The following KDM1B variants were observed in gnomAD, a reference collection of about 807,000 sequenced individuals.
KDM1B encodes the protein lysine demethylase 1B.
KDM1B carries 63 observed loss-of-function variants against 107.4 expected under a neutral mutation model. That is an observed-to-expected ratio of 0.59 (90% CI 0.48 to 0.72). The LOEUF (loss-of-function observed/expected upper bound fraction) is 0.72. KDM1B is among the 30% of genes least tolerant of loss of function. The probability of loss-of-function intolerance (pLI) is 0.00; values close to 1 mark genes in which losing one functional copy is unlikely to be tolerated. For synonymous variants in KDM1B, 363 were observed against 363.9 expected (o/e 1.00, Z 0.03); for missense variants, 749 against 1,020.8 (o/e 0.73, Z 3.63).
In KDM1B at chr6:18,197,471, T is replaced by C. The variant is rs1467502071; in HGVS notation, c.1147-116T>C. 3 of 876,644 alleles carry C rather than the reference T, an allele frequency of 3.4e-6. No homozygotes were observed. The highest frequency in any genetic ancestry group is 2.1e-5 in the Admixed American group (1 of 48,510). The allele number at this position is 876,644 out of a possible 1,614,324, so 54.3% of individuals were successfully genotyped here. On this transcript the variant is annotated intron_variant, in intron 11 of 21. Coordinates refer to ENST00000650836, the MANE Select transcript of KDM1B (RefSeq NM_001364614.2). This position sits in a 1 kb window ranked among gnomAD's most constrained non-coding sequence, Gnocchi z 4.5. ...ACCACATTCTTTAGGAAAATAACTT[T>C]CTAAGGACATCAAAGAAATGTAAAT...
chr6:18,157,879 C>T (rs1784728492), intron 2 of KDM1B, among the ~76,000 whole-genome samples: 1 of 131,456 alleles, frequency 7.6e-6, no homozygotes, highest in Admixed American at 9.0e-5. Flanking sequence ...GTGGTGTGAT[C>T]TCGGCTCACT....
In KDM1B at chr6:18,202,715, A is replaced by G. The variant is rs143840959; in HGVS notation, c.1531+1058A>G. On this transcript the variant is annotated intron_variant, in intron 14 of 21. Coordinates refer to ENST00000650836, the MANE Select transcript of KDM1B (RefSeq NM_001364614.2). ...AGAGCTCTCAATTCTTCAGGCTGAT[A>G]TACAGTTCATCTCTGTTTGGGGTAA... is the stretch of plus-strand genomic sequence containing the variant. Among the ~76,000 whole-genome samples the G allele has an allele frequency of 1.7e-3, 258 of 152,306 alleles. 1 individual carries two copies. The highest frequency in any genetic ancestry group is 5.5e-3 in the African/African-American group (229 of 41,556).
chr6:18,168,947 C>T (rs1268847135), intron 6 of KDM1B, among the ~76,000 whole-genome samples: 3 of 152,148 alleles, frequency 2.0e-5, no homozygotes, highest in African/African-American at 7.2e-5. Flanking sequence ...TCTTGGCTCG[C>T]TGCAACCTCT....
At chr6:18,156,142 G>A (rs1200344797) in intron 2 of KDM1B, among the ~76,000 whole-genome samples, 1 of 152,212 alleles carries the variant, frequency 6.6e-6, no homozygotes, top group Non-Finnish European at 1.5e-5. Flanking sequence ...TGCAGGTGTT[G>A]TAGTAATTCT....
Position 18,207,959 on chromosome 6 carries a change from G to C in KDM1B, c.1792-173G>C, listed in dbSNP as rs138362537. On this transcript the variant is annotated intron_variant, in intron 16 of 21. Coordinates refer to ENST00000650836, the MANE Select transcript of KDM1B (RefSeq NM_001364614.2). ...TGTTTATTTTGTATATTCTGACAGAGTATAAATTCTAACTCCCTCAGTTCA... is the reference window on the plus strand; with the variant it reads ...TGTTTATTTTGTATATTCTGACAGACTATAAATTCTAACTCCCTCAGTTCA... Among the ~76,000 whole-genome samples, 4 of 152,274 alleles carry C rather than the reference G, an allele frequency of 2.6e-5. No homozygotes were observed. The East Asian group carries it at 7.7e-4, about 29-fold the overall frequency.
intron 7 of KDM1B, among the ~76,000 whole-genome samples, chr6:18,179,240 GGAAA>G (rs900449297): frequency 1.7e-4 from 26 of 151,776 alleles, no homozygotes; most frequent in African/African-American, 6.0e-4. Context: ...CATTCCTGGG[GGAAA>G]AAAATCCATT....
chr6:18,169,164 G>A (rs186225477), intron 6 of KDM1B, among the ~76,000 whole-genome samples: 1 of 151,440 alleles, frequency 6.6e-6, no homozygotes, highest in Non-Finnish European at 1.5e-5. Flanking sequence ...GAGCCACCTC[G>A]CCCAGTCTTC....
intron 14 of KDM1B, among the ~76,000 whole-genome samples, chr6:18,202,760 T>A (rs1378254144): frequency 3.9e-5 from 6 of 152,208 alleles, no homozygotes; most frequent in Non-Finnish European, 8.8e-5. Context: ...TAGCAGGGAC[T>A]ATGTATCTCT....
intron 7 of KDM1B, among the ~76,000 whole-genome samples, chr6:18,181,539 A>T (rs1357501287): frequency 1.3e-5 from 2 of 152,138 alleles, no homozygotes; most frequent in African/African-American, 4.8e-5. Flanking sequence ...CTGAAGCAGG[A>T]GTTTGAGACC....
chr6:18,200,389 G>C lies in KDM1B; in HGVS notation c.1222-50G>C. The C allele has an allele frequency of 6.4e-7, 1 of 1,566,496 alleles. No homozygotes were observed. Among genetic ancestry groups the C allele is most frequent in the South Asian group, 1.2e-5 (1 of 86,520 alleles). ...TCTACATTTTTATAATACTGTGTCT[G>C]ATATAACTCTTGTGTCCTATTTAGC... On this transcript the variant is annotated intron_variant, in intron 12 of 21. Transcript: ENST00000650836. This position sits in a 1 kb window ranked among gnomAD's most constrained non-coding sequence, Gnocchi z 4.3.
intron 7 of KDM1B, among the ~76,000 whole-genome samples, chr6:18,185,462 T>G (rs563021964): frequency 2.8e-4 from 42 of 152,254 alleles, no homozygotes; most frequent in African/African-American, 9.9e-4. Context: ...CCACTATGCC[T>G]GGCTAATTTT....
intron 20 of KDM1B, among the ~76,000 whole-genome samples, chr6:18,216,437 G>C (rs1789241866): frequency 6.6e-6 from 1 of 152,082 alleles, no homozygotes; most frequent in Non-Finnish European, 1.5e-5. Flanking sequence ...CCTTGCTTGG[G>C]GTTTTTGTTC....
rs756264348 is a variant in KDM1B at position 18,200,518 on chromosome 6, G to A, written c.1301G>A (p.Arg434Lys). Reference sequence around the variant, plus strand: ...TCTTTTAAAGGCGTCACAGTGGGAAGAGGAGCTCAGATTGTCAATGGGTGT... The same window carrying A: ...TCTTTTAAAGGCGTCACAGTGGGAAAAGGAGCTCAGATTGTCAATGGGTGT... ...DKSFKGVTVG[R>K]GAQIVNGCIN... The change falls in exon 13 of 22, where the codon AGA (arginine) becomes AAA (lysine). Residue 434 changes from arginine (R) to lysine (K), a missense_variant. Physicochemically the swap from Arg to Lys is conservative, Grantham distance 26. Coordinates refer to ENST00000650836, the MANE Select transcript of KDM1B (RefSeq NM_001364614.2). This position sits in a 1 kb window ranked among gnomAD's most constrained non-coding sequence, Gnocchi z 4.3. 10 of 1,614,144 alleles carry A rather than the reference G, an allele frequency of 6.2e-6. 1 individual carries two copies. In the South Asian group the frequency reaches 1.1e-4, roughly 18 times the overall value.
Position 18,214,126 on chromosome 6 carries a change from C to T in KDM1B, c.2109+345C>T, listed in dbSNP as rs955021151. 1.6e-4 allele frequency among the ~76,000 whole-genome samples: 25 copies of T among 152,082 alleles called. No individual in the cohort carries two copies. Among genetic ancestry groups the T allele is most frequent in the Admixed American group, 1.5e-3 (23 of 15,280 alleles). On this transcript the variant is annotated intron_variant, in intron 19 of 21. Transcript: ENST00000650836. The surrounding 1 kb of genome is among the most constrained non-coding windows in gnomAD (Gnocchi z 4.4). ...TCCTCTCTGAGGGTCCTCTAGGGAG[C>T]TGGGAAAGGGTGTATGATTGGTGAG...
At chr6:18,184,421 C>T (rs1393889635) in intron 7 of KDM1B, among the ~76,000 whole-genome samples, 3 of 151,610 alleles carry the variant, frequency 2.0e-5, no homozygotes, top group East Asian at 1.9e-4. Flanking sequence ...ATTACAGGTG[C>T]GCACCACCAT....
chr6:18,179,057 C>A (rs564433823), intron 7 of KDM1B, among the ~76,000 whole-genome samples: 1 of 152,194 alleles, frequency 6.6e-6, no homozygotes, highest in Admixed American at 6.5e-5. Context: ...TGTAGACATT[C>A]TTTATGAGAT....
chr6:18,166,571 T>A (rs912528), intron 6 of KDM1B, among the ~76,000 whole-genome samples, 193 bp downstream of exon 6: 1 of 152,220 alleles, frequency 6.6e-6, no homozygotes, highest in African/African-American at 2.4e-5. Flanking sequence ...TAGGCTGGGT[T>A]TGGTGGCTCA....
intron 4 of KDM1B, 116 bp downstream of exon 4, chr6:18,161,570 A>C (rs529600944): frequency 9.1e-7 from 1 of 1,096,314 alleles, no homozygotes; most frequent in Non-Finnish European, 1.3e-6. Context: ...TAAGTCATCT[A>C]ATCTAATAAT....
intron 7 of KDM1B, among the ~76,000 whole-genome samples, chr6:18,173,796 TTTTATTTTAG>T (rs1476154786): frequency 1.3e-5 from 2 of 152,178 alleles, no homozygotes; most frequent in Non-Finnish European, 2.9e-5. Flanking sequence ...TTTTATTTTA[TTTTATTTTAG>T]ATGGAGTCTT....
Sources: allele counts gnomAD v4.1 joint callset (sites outside exome capture counted in the v4.1 genomes callset), GRCh38; gene constraint gnomAD v4.1.1; non-coding constraint Gnocchi (gnomAD v3.1); transcripts MANE v1.5; gene names NCBI Gene and HGNC (gene_info 2026-07-23, HGNC 2026-07-21).